The following UNC13C variants were observed in gnomAD, a reference collection of about 807,000 sequenced individuals.
UNC13C encodes protein unc-13 homolog C.
In UNC13C, 174 loss-of-function variants were observed where a neutral mutation model predicts 245.4. That is an observed-to-expected ratio of 0.71 (90% CI 0.63 to 0.80). UNC13C has a LOEUF of 0.80. Among genes scored for constraint, UNC13C ranks in the 30% least tolerant of loss-of-function variants. The pLI is 0.00. For missense variants in UNC13C, 2,829 were observed against 2,602.9 expected (o/e 1.09, Z -1.89); for synonymous variants, 992 against 895.1 (o/e 1.11, Z -1.93).
At chr15:54,383,291 A>G (rs1294311271) in intron 17 of UNC13C, among the ~76,000 whole-genome samples, 1 of 152,158 alleles carries the variant, frequency 6.6e-6, no homozygotes, top group African/African-American at 2.4e-5. Context: ...ATCCTTATGA[A>G]ATACTAACAA....
At chr15:54,054,403 C>G (rs1897408081) in intron 2 of UNC13C, among the ~76,000 whole-genome samples, 1 of 152,150 alleles carries the variant, frequency 6.6e-6, no homozygotes, top group South Asian at 2.1e-4. Context: ...ATCATAATAC[C>G]TATCTTAAGG....
intron 4 of UNC13C, among the ~76,000 whole-genome samples, chr15:54,156,031 T>A (rs2032729383): frequency 6.6e-6 from 1 of 152,232 alleles, no homozygotes; most frequent in South Asian, 2.1e-4. Context: ...TTTCTGTAAT[T>A]TGAAATACCT....
chr15:54,381,284 C>T (rs577236963), intron 17 of UNC13C, among the ~76,000 whole-genome samples: 9 of 152,236 alleles, frequency 5.9e-5, no homozygotes, highest in African/African-American at 2.2e-4. Context: ...TTTTTCAGCT[C>T]TCTATTCTGT....
chr15:53,991,764 T>G (rs994547568), intron 1 of UNC13C, among the ~76,000 whole-genome samples: 3 of 152,086 alleles, frequency 2.0e-5, no homozygotes, highest in African/African-American at 7.2e-5. Flanking sequence ...TTGTTTCTGA[T>G]AGTTAAACAC....
chr15:53,892,222 G>A, the UNC13C span, among the ~76,000 whole-genome samples: 30 of 152,318 alleles, frequency 2.0e-4, no homozygotes, highest in Non-Finnish European at 3.8e-4. Flanking sequence ...CCTCTGGCTT[G>A]TAGGGTTTCT....
Position 54,175,658 on chromosome 15 carries a change from A to G in UNC13C, c.3071+31974A>G, listed in dbSNP as rs183772312. 5.6e-3 allele frequency among the ~76,000 whole-genome samples: 858 copies of G among 151,932 alleles called. 16 individuals carry two copies. Among genetic ancestry groups the G allele is most frequent in the African/African-American group, 0.02 (809 of 41,428 alleles). ...CTCCCGAGTAGCTGGGACTACAGGC[A>G]CCCACCACCACGCCCAGCTAATTTT... On this transcript the variant is annotated intron_variant, in intron 4 of 32. Transcript: ENST00000260323.
At chr15:54,433,777 A>T (rs1335348662) in intron 19 of UNC13C, among the ~76,000 whole-genome samples, 2 of 152,084 alleles carry the variant, frequency 1.3e-5, no homozygotes, top group African/African-American at 4.8e-5. Context: ...TCAAATAGGA[A>T]GAGAGAAAGT....
the UNC13C span, among the ~76,000 whole-genome samples, chr15:53,874,423 C>G: frequency 1.3e-5 from 2 of 152,168 alleles, no homozygotes; most frequent in Non-Finnish European, 2.9e-5. Context: ...CCAGGAATGT[C>G]TGACTTCTAT....
intron 4 of UNC13C, among the ~76,000 whole-genome samples, chr15:54,151,652 C>G (rs980759959): frequency 6.6e-6 from 1 of 152,106 alleles, no homozygotes; most frequent in African/African-American, 2.4e-5. Context: ...AATCTGCCAC[C>G]CTGGGCCTCC....
At chr15:54,136,845 CT>C (rs71132781) in intron 2 of UNC13C, among the ~76,000 whole-genome samples, 137,190 of 148,566 alleles carry the variant, frequency 0.92, 64,129 homozygotes, top group Non-Finnish European at 1. Context: ...TTGTGTATCA[CT>C]TTTTTTTTTT....
chr15:53,911,837 T>G, the UNC13C span: 1 of 152,236 alleles, frequency 6.6e-6, no homozygotes, highest in Non-Finnish European at 1.5e-5. Context: ...ATGAACGCTT[T>G]ACCTCCCCTA....
the UNC13C span, among the ~76,000 whole-genome samples, chr15:53,845,149 C>A: frequency 6.6e-6 from 1 of 151,926 alleles, no homozygotes; most frequent in East Asian, 1.9e-4. Context: ...TACAGTGAAA[C>A]CTCGTCTCTA....
At chr15:54,458,241 T>C (rs1025322963) in intron 19 of UNC13C, among the ~76,000 whole-genome samples, 1 of 152,116 alleles carries the variant, frequency 6.6e-6, no homozygotes, top group Non-Finnish European at 1.5e-5. Context: ...CACTGTGACC[T>C]GAGAAAGTAC....
chr15:54,116,134 T>C (rs1172858024), intron 2 of UNC13C, among the ~76,000 whole-genome samples: 1 of 152,184 alleles, frequency 6.6e-6, no homozygotes, highest in African/African-American at 2.4e-5. Flanking sequence ...CAGAATTTTA[T>C]TGGTTTAATT....
chr15:54,133,571 C>T (rs2031555316), intron 2 of UNC13C, among the ~76,000 whole-genome samples: 1 of 152,030 alleles, frequency 6.6e-6, no homozygotes, highest in Admixed American at 6.6e-5. Flanking sequence ...CATTAAATTG[C>T]TGAGCTGCAA....
rs779586050 is a variant in UNC13C, at chr15:54,014,681, G to A, written c.1778G>A (p.Gly593Glu). Residue 593 changes from glycine (G) to glutamate (E), a missense_variant, in exon 2 of 33, where the codon GGA becomes GAA. Transcript: ENST00000260323. Reference protein sequence around the residue: ...DRELWQRKQEGTATLYDSPKD... With the variant: ...DRELWQRKQEETATLYDSPKD... The stretch of plus-strand genomic sequence containing the variant: ...GAGCTATGGCAGAGGAAACAGGAAG[G>A]AACAGCGACCCTGTATGACAGTCCC... 3 of 1,613,614 alleles carry A rather than the reference G, an allele frequency of 1.9e-6. No homozygotes were observed. Among genetic ancestry groups the A allele is most frequent in the Admixed American group, 1.7e-5 (1 of 59,966 alleles).
chr15:54,436,991 C>G (rs1192870175), intron 19 of UNC13C, among the ~76,000 whole-genome samples: 4 of 150,878 alleles, frequency 2.7e-5, no homozygotes, highest in African/African-American at 9.7e-5. Flanking sequence ...TTAACACTGA[C>G]CCTGTTAGCC....
intron 14 of UNC13C, among the ~76,000 whole-genome samples, chr15:54,329,081 GTT>G (rs36002521): frequency 0.22 from 26,542 of 121,858 alleles, 2,375 homozygotes; most frequent in Middle Eastern, 0.33. Flanking sequence ...ATTAAACCAA[GTT>G]TTTTTTTTTT....
intron 19 of UNC13C, among the ~76,000 whole-genome samples, chr15:54,421,585 A>G (rs1316200437): frequency 2.6e-5 from 4 of 152,010 alleles, no homozygotes; most frequent in African/African-American, 9.7e-5. Context: ...TGTTTTGACA[A>G]AACTTCCAGT....
Sources: gnomAD v4.1 joint callset for allele counts (sites outside exome capture counted in the v4.1 genomes callset) on GRCh38, gnomAD v4.1.1 for gene constraint, MANE v1.5 for transcripts, NCBI Gene and HGNC (gene_info 2026-07-23, HGNC 2026-07-21) for gene names.